The following TCTN2 variants were observed in gnomAD, a reference collection of about 807,000 sequenced individuals.
TCTN2 encodes tectonic-2.
A neutral mutation model predicts 83.4 loss-of-function variants in TCTN2; 66 were observed. That is an observed-to-expected ratio of 0.79 (90% CI 0.65 to 0.97). The LOEUF (loss-of-function observed/expected upper bound fraction) is 0.97, where lower values mean the gene tolerates loss of function less well. TCTN2 is among the 50% of genes least tolerant of loss of function. TCTN2 has a pLI of 0.00. For missense variants in TCTN2, 794 were observed against 858.1 expected, an observed-to-expected ratio of 0.93 and a Z score of 0.93; for synonymous variants, 301 against 326.7, an observed-to-expected ratio of 0.92 and a Z score of 0.85.
In TCTN2 at chr12:123,687,004, C is replaced by T; in HGVS notation, c.733C>T (p.Pro245Ser). The T allele has an allele frequency of 6.2e-7, 1 of 1,614,194 alleles. No individual in the cohort carries two copies. Among genetic ancestry groups the T allele is most frequent in the African/African-American group, 1.3e-5 (1 of 75,054 alleles). ...LCVQSPLANT[P>S]FLGYFYHGAV... is the part of the protein sequence containing the mutation. ...TGTGCAGTCCCCCCTTGCCAACACA[C>T]CCTTCCTTGGTTACTTCTATCATGG... The change falls in exon 6 of 18, where the codon CCC becomes TCC. Residue 245 changes from proline to serine, a missense_variant. Physicochemically the swap from Pro to Ser is moderately conservative, Grantham distance 74. Coordinates refer to ENST00000303372, the MANE Select transcript of TCTN2 (RefSeq NM_024809.5).
chr12:123,674,280 T>C (rs1036606551), intron 4 of TCTN2, among the ~76,000 whole-genome samples: 4 of 149,592 alleles, frequency 2.7e-5, no homozygotes, highest in African/African-American at 9.8e-5. Flanking sequence ...ATTCTCTCTC[T>C]TTTTTTTTTG....
chr12:123,680,792 C>T (rs1198306863), intron 5 of TCTN2, among the ~76,000 whole-genome samples: 2 of 151,186 alleles, frequency 1.3e-5, no homozygotes, highest in Non-Finnish European at 2.9e-5. Flanking sequence ...GCTGGGATTA[C>T]AGGAGTGAGC....
chr12:123,687,379 C>T (rs887618587), intron 6 of TCTN2, among the ~76,000 whole-genome samples: 21 of 152,186 alleles, frequency 1.4e-4, no homozygotes, highest in Middle Eastern at 3.4e-3. Flanking sequence ...AAAAGTAGGC[C>T]GGGAGCGGTG....
chr12:123,702,637 C>G (rs779148044), intron 14 of TCTN2, among the ~76,000 whole-genome samples: 16 of 152,132 alleles, frequency 1.1e-4, no homozygotes, highest in Non-Finnish European at 1.9e-4. Context: ...ACCCAGAGGT[C>G]GAGCTTGTCA....
Position 123,692,743 on chromosome 12 carries a change from G to A in TCTN2, c.1099+20G>A, listed in dbSNP as rs781151060. The A allele has an allele frequency of 3.2e-6, 5 of 1,574,738 alleles. No homozygotes were observed. Among genetic ancestry groups the A allele is most frequent in the South Asian group, 1.1e-5 (1 of 90,196 alleles). On this transcript the variant is annotated intron_variant, in intron 9 of 17. Transcript: ENST00000303372. Reference sequence around the variant, plus strand: ...ATACAGGTATTTAATGTTACACTTTGACGTCATTTCTTCAGAAACAGATAT... The same window carrying A: ...ATACAGGTATTTAATGTTACACTTTAACGTCATTTCTTCAGAAACAGATAT...
intron 14 of TCTN2, among the ~76,000 whole-genome samples, chr12:123,701,451 C>T (rs1956170778): frequency 6.6e-6 from 1 of 152,022 alleles, no homozygotes. Context: ...TAAGGTGCAA[C>T]AGATCGGCTG....
chr12:123,699,847 G>C, intron 14 of TCTN2, 37 bp downstream of exon 14: 1 of 1,552,570 alleles, frequency 6.4e-7, no homozygotes, highest in Admixed American at 1.7e-5. Flanking sequence ...CCTGTAACTT[G>C]GTTGCTGTGA....
rs575728856 is a variant in TCTN2, at chr12:123,671,226, C to A, written c.-15C>A. 3.1e-6 allele frequency: 5 copies of A among 1,610,070 alleles called. No individual in the cohort carries two copies. The highest frequency in any genetic ancestry group is 4.5e-5 in the East Asian group (2 of 44,742). ...GGGCGCGGTTCTGCTGTGCCCGGCC[C>A]GCGAGGTCTAAGGCATGGGCTTCCA... On this transcript the variant is annotated 5_prime_UTR_variant, in exon 1 of 18. Coordinates refer to ENST00000303372, the MANE Select transcript of TCTN2 (RefSeq NM_024809.5).
At chr12:123,704,722 G>T in intron 15 of TCTN2, 34 bp downstream of exon 15, 1 of 1,612,586 alleles carries the variant, frequency 6.2e-7, no homozygotes, top group Non-Finnish European at 8.5e-7. Context: ...GTAGTTTAGA[G>T]AGAGTCAGGA....
intron 7 of TCTN2, among the ~76,000 whole-genome samples, chr12:123,688,562 T>C (rs748491330): frequency 2.6e-5 from 4 of 152,018 alleles, no homozygotes; most frequent in Non-Finnish European, 4.4e-5. Flanking sequence ...ATTTAAGTCA[T>C]ATTTCTCTTT....
intron 7 of TCTN2, among the ~76,000 whole-genome samples, chr12:123,688,418 T>A (rs1403833491): frequency 2.6e-5 from 4 of 152,058 alleles, no homozygotes; most frequent in Non-Finnish European, 1.5e-5. Context: ...GGTTTCACCA[T>A]GTTGACCTGG....
At chr12:123,695,192 A>C in intron 10 of TCTN2, 28 bp from the exon 11 acceptor site, 3 of 1,476,574 alleles carry the variant, frequency 2.0e-6, no homozygotes, top group Non-Finnish European at 2.8e-6. Flanking sequence ...AATGGTGCAC[A>C]TTATATTTTA....
intron 5 of TCTN2, among the ~76,000 whole-genome samples, chr12:123,680,144 G>A (rs113397189): frequency 0.012 from 1,861 of 151,946 alleles, 20 homozygotes; most frequent in Non-Finnish European, 0.017. Context: ...CCTGAGGTCC[G>A]GAGTTTGAGA....
intron 4 of TCTN2, among the ~76,000 whole-genome samples, chr12:123,675,835 C>T (rs574575745): frequency 1.3e-5 from 2 of 151,964 alleles, no homozygotes; most frequent in South Asian, 4.2e-4. Context: ...AAATGTGTTA[C>T]CCACTTAAAA....
intron 10 of TCTN2, 95 bp from the exon 11 acceptor site, chr12:123,695,121 TTGTA>T: frequency 2.8e-6 from 4 of 1,423,690 alleles, no homozygotes; most frequent in Non-Finnish European, 3.9e-6. Flanking sequence ...AGAGTACACT[TTGTA>T]TGACAAAATG....
chr12:123,689,173 T>A (rs1956012595), intron 7 of TCTN2, among the ~76,000 whole-genome samples: 1 of 152,056 alleles, frequency 6.6e-6, no homozygotes, highest in East Asian at 1.9e-4. Context: ...GTGATCCTCC[T>A]ACCTCAGCTT....
intron 17 of TCTN2, chr12:123,707,347 G>T: frequency 3.3e-6 from 2 of 613,628 alleles, no homozygotes; most frequent in South Asian, 3.9e-5. Context: ...CCTGGGTTCA[G>T]ACAACTCTCG....
rs760942775 is a variant in TCTN2 at position 123,697,133 on chromosome 12, T to C, written c.1440T>C (p.Phe480=). 59 of 1,614,012 alleles carry C rather than the reference T, an allele frequency of 3.7e-5. No homozygotes were observed. The highest frequency in any genetic ancestry group is 4.7e-5 in the Non-Finnish European group (56 of 1,179,998). ...CTSATFKPIL[F]GENVLSGCLL... ...CAGCAACTTTCAAACCCATTTTATT[T>C]GGAGAAAATGTACTCTCTGGATGCC... The change falls in exon 13 of 18, where the codon TTT becomes TTC. Residue 480 remains phenylalanine (F), a synonymous_variant. Transcript: ENST00000303372.
chr12:123,687,589 G>A (rs1170017399), intron 6 of TCTN2, among the ~76,000 whole-genome samples: 3 of 152,096 alleles, frequency 2.0e-5, no homozygotes, highest in East Asian at 1.9e-4. Flanking sequence ...CCCGGGCGGC[G>A]GAGCTTGAGC....
Sources: gnomAD v4.1 joint callset for allele counts (sites outside exome capture counted in the v4.1 genomes callset) on GRCh38, gnomAD v4.1.1 for gene constraint, MANE v1.5 for transcripts, NCBI Gene and HGNC (gene_info 2026-07-23, HGNC 2026-07-21) for gene names.